Variants in CLN8 observed in about 807,000 individuals in gnomAD.
CLN8 encodes the protein CLN8 transmembrane ER and ERGIC protein, also known as protein CLN8.
A neutral mutation model predicts 15.7 loss-of-function variants in CLN8; 14 were observed. The ratio of observed to expected loss-of-function variants is 0.89; its 90% CI spans 0.59 to 1.39. The LOEUF (loss-of-function observed/expected upper bound fraction) is 1.39. Among genes scored for constraint, CLN8 ranks in the 40% most tolerant of loss-of-function variants. The probability of loss-of-function intolerance (pLI) is 0.00; values close to 1 mark genes in which losing one functional copy is unlikely to be tolerated. For synonymous variants in CLN8, 188 were observed against 151.0 expected, an observed-to-expected ratio of 1.25 and a Z score of -1.80; for missense variants, 415 against 364.0, an observed-to-expected ratio of 1.14 and a Z score of -1.14.
At chr8:1,772,095 C>G (rs750356073) in intron 2 of CLN8, among the ~76,000 whole-genome samples, 43 of 152,026 alleles carry the variant, frequency 2.8e-4, no homozygotes, top group Non-Finnish European at 5.3e-4. Flanking sequence ...ACCACCACAC[C>G]TGGCTACCTT....
Position 1,785,153 on chromosome 8 carries a change from C to G in CLN8, c.*4586C>G, listed in dbSNP as rs538474232. 1 of 160,832 alleles carries G rather than the reference C, an allele frequency of 6.2e-6. No homozygotes were observed. The highest frequency in any genetic ancestry group is 1.8e-4 in the East Asian group (1 of 5,432). The allele number at this position is 160,832 out of a possible 1,614,324, so 10.0% of individuals were successfully genotyped here. On this transcript the variant is annotated 3_prime_UTR_variant, in exon 3 of 3. Transcript: ENST00000331222. ...GAGGGGCTCCGTCGCTCTGCCCTCA[C>G]GCCGCTGAACCGCGAGGGTCTCCCG... is the stretch of plus-strand genomic sequence containing the variant.
chr8:1,772,000 G>A (rs1463670229), intron 2 of CLN8, among the ~76,000 whole-genome samples: 3 of 151,790 alleles, frequency 2.0e-5, no homozygotes, highest in Non-Finnish European at 4.4e-5. Flanking sequence ...CAATGGCATG[G>A]TTTCGGCTCA....
chr8:1,779,802 C>T (rs543275389), intron 2 of CLN8, among the ~76,000 whole-genome samples: 1 of 152,198 alleles, frequency 6.6e-6, no homozygotes, highest in Non-Finnish European at 1.5e-5. Context: ...TGACACTAAT[C>T]TCATCATGGG....
At chr8:1,754,642 C>G (rs1800626133), upstream of CLN8, among the ~76,000 whole-genome samples, 1 of 152,200 alleles carries the variant, frequency 6.6e-6, no homozygotes, top group African/African-American at 2.4e-5. Flanking sequence ...GTCGAACACA[C>G]ATTTTTCATC....
At position 1,771,176 on chromosome 8, in the gene CLN8, T is replaced by C; in HGVS notation, c.122T>C (p.Val41Ala). 6.2e-7 allele frequency: 1 copy of C among 1,614,104 alleles called. No homozygotes were observed. The highest frequency in any genetic ancestry group is 1.1e-5 in the South Asian group (1 of 91,084). The change falls in exon 2 of 3, where the codon GTC (valine) becomes GCC (alanine). Residue 41 changes from valine to alanine, a missense_variant. Val to Ala is a moderately conservative substitution (Grantham distance 64). Coordinates refer to ENST00000331222, the MANE Select transcript of CLN8 (RefSeq NM_018941.4). Reference protein sequence around the residue: ...GFVFYLGVFVVCHQLSSSLNA... With the variant: ...GFVFYLGVFVACHQLSSSLNA... ...GTCTTCTACTTGGGCGTCTTTGTGG[T>C]CTGCCACCAGCTGTCCTCTTCCCTG...
chr8:1,754,338 T>C (rs6558523), upstream of CLN8, among the ~76,000 whole-genome samples: 110,862 of 151,710 alleles, frequency 0.73, 40,807 homozygotes, highest in South Asian at 0.78. Flanking sequence ...ACCCCTGCAT[T>C]ACACCATTGG....
chr8:1,767,565 C>CTTTTTTTTTT (rs1156569423), intron 1 of CLN8, among the ~76,000 whole-genome samples: 8 of 81,306 alleles, frequency 9.8e-5, no homozygotes, highest in East Asian at 4.3e-4. Context: ...ATGTTTCTTT[C>CTTTTTTTTTT]TTTTTTTTTT....
chr8:1,755,346 T>C (rs531671164), upstream of CLN8, among the ~76,000 whole-genome samples: 2 of 151,982 alleles, frequency 1.3e-5, no homozygotes, highest in East Asian at 3.9e-4. Flanking sequence ...AGAGATTGGA[T>C]CCCCACCCGA....
In CLN8 at chr8:1,766,555, A is replaced by G. The variant is rs557770738; in HGVS notation, c.-124+2670A>G. Among the ~76,000 whole-genome samples, 18 of 147,564 alleles carry G rather than the reference A, an allele frequency of 1.2e-4. No individual in the cohort carries two copies. The East Asian group carries it at 3.4e-3, about 28-fold the overall frequency. On this transcript the variant is annotated intron_variant, in intron 1 of 2. Coordinates refer to ENST00000331222, the MANE Select transcript of CLN8 (RefSeq NM_018941.4). ...CAGGCGCTCGCCATCACGCCTGGCT[A>G]TTTTTTTTTTGTATTTTAGTAGAGA...
intron 2 of CLN8, chr8:1,779,854 T>G: frequency 1.6e-6 from 1 of 627,238 alleles, no homozygotes; most frequent in Non-Finnish European, 2.0e-6. Flanking sequence ...GGTCTAGGTA[T>G]GGGAGCTTGA....
chr8:1,754,527 T>C (rs941980089), upstream of CLN8, among the ~76,000 whole-genome samples: 4 of 152,258 alleles, frequency 2.6e-5, no homozygotes, highest in African/African-American at 9.6e-5. Context: ...GACGTTCTTA[T>C]AAGCATTCCC....
chr8:1,767,851 G>T (rs538360325), intron 1 of CLN8, among the ~76,000 whole-genome samples: 1 of 152,000 alleles, frequency 6.6e-6, no homozygotes, highest in African/African-American at 2.4e-5. Context: ...GATTACAGGC[G>T]TGCGCCACTG....
upstream of CLN8, among the ~76,000 whole-genome samples, chr8:1,761,219 C>A (rs1417595719): frequency 6.6e-6 from 1 of 151,948 alleles, no homozygotes; most frequent in Non-Finnish European, 1.5e-5. Flanking sequence ...TTTATCCAAA[C>A]AGGTGAACTG....
upstream of CLN8, chr8:1,760,062 T>A (rs1800756602): frequency 6.6e-6 from 1 of 152,116 alleles, no homozygotes; most frequent in African/African-American, 2.4e-5. Context: ...CCCTGACACC[T>A]CAATTAAGTC....
Position 1,778,392 on chromosome 8 carries a change from A to C in CLN8, c.544-1858A>C, listed in dbSNP as rs576622516. Among the ~76,000 whole-genome samples, 4 of 152,380 alleles carry C rather than the reference A, an allele frequency of 2.6e-5. No individual in the cohort carries two copies. The East Asian group carries it at 7.7e-4, about 29-fold the overall frequency. ...ATCCCATGTCACTTAACCATCCGGA[A>C]CTGACAGCCATAGGTTCTTCTGGTC... On this transcript the variant is annotated intron_variant, in intron 2 of 2. Coordinates refer to ENST00000331222, the MANE Select transcript of CLN8 (RefSeq NM_018941.4).
At chr8:1,754,787 T>A (rs1800629649), upstream of CLN8, among the ~76,000 whole-genome samples, 1 of 152,160 alleles carries the variant, frequency 6.6e-6, no homozygotes, top group Non-Finnish European at 1.5e-5. Flanking sequence ...TGCAATGAGC[T>A]GGGGAAGGCT....
intron 1 of CLN8, chr8:1,764,643 T>G (rs1002471910): frequency 6.5e-6 from 1 of 152,814 alleles, no homozygotes; most frequent in Non-Finnish European, 1.5e-5. Flanking sequence ...GGAGGGACGC[T>G]GGGTAAGGTC....
At chr8:1,756,094 T>C (rs752482180) in intron 1 of CLN8, 2 of 152,236 alleles carry the variant, frequency 1.3e-5, no homozygotes, top group East Asian at 1.9e-4. Context: ...TAAGTTTTCA[T>C]TGTTTGGTGT....
In CLN8 at chr8:1,783,665, G is replaced by C. The variant is rs981240824; in HGVS notation, c.*3098G>C. ...GCCCTTCTCGGTGTCCAGGCTCCTTGGGTGATGCTGGAGTTGTCATGGCCG... is the reference window on the plus strand; with the variant it reads ...GCCCTTCTCGGTGTCCAGGCTCCTTCGGTGATGCTGGAGTTGTCATGGCCG... On this transcript the variant is annotated 3_prime_UTR_variant, in exon 3 of 3. Transcript: ENST00000331222. 1.3e-5 allele frequency: 2 copies of C among 152,160 alleles called. No homozygotes were observed. The highest frequency in any genetic ancestry group is 4.8e-5 in the African/African-American group (2 of 41,402). 9.4% of individuals were successfully genotyped at this position (152,160 alleles called of 1,614,324 possible).
Sources: gnomAD v4.1 joint callset for allele counts (sites outside exome capture counted in the v4.1 genomes callset) on GRCh38, gnomAD v4.1.1 for gene constraint, MANE v1.5 for transcripts, NCBI Gene and HGNC (gene_info 2026-07-23, HGNC 2026-07-21) for gene names.